Variants in TARBP1 observed in about 807,000 individuals in gnomAD.
TARBP1 encodes the protein tRNA guanosine 2 -O-methyltransferase TARBP1.
TARBP1 carries 144 observed loss-of-function variants against 178.6 expected under a neutral mutation model. The observed-to-expected ratio is 0.81, with a 90% CI of 0.70 to 0.93. The LOEUF is 0.93. TARBP1 is among the 40% of genes least tolerant of loss of function. The pLI is 0.00. For missense variants in TARBP1, 2,067 were observed against 2,011.7 expected (o/e 1.03, Z -0.53); for synonymous variants, 787 against 781.0 (o/e 1.01, Z -0.13).
intron 1 of TARBP1, among the ~76,000 whole-genome samples, chr1:234,477,059 C>T (rs1347960552): frequency 6.6e-6 from 1 of 152,186 alleles, no homozygotes; most frequent in East Asian, 1.9e-4. Context: ...GTGGCGCATG[C>T]CTGTAATCCC....
At chr1:234,434,459 G>C (rs1664802103) in intron 13 of TARBP1, among the ~76,000 whole-genome samples, 3 of 152,208 alleles carry the variant, frequency 2.0e-5, no homozygotes, top group Non-Finnish European at 4.4e-5. Context: ...TTACAAGACT[G>C]AACAAAAGGG....
At chr1:234,402,186 A>G (rs1253038664) in intron 24 of TARBP1, among the ~76,000 whole-genome samples, 3 of 152,270 alleles carry the variant, frequency 2.0e-5, no homozygotes, top group Non-Finnish European at 2.9e-5. Context: ...GGTAGCTGTT[A>G]AAAGAAAAGC....
At chr1:234,408,265 T>C (rs1028585083) in intron 23 of TARBP1, among the ~76,000 whole-genome samples, 3 of 151,964 alleles carry the variant, frequency 2.0e-5, no homozygotes, top group Non-Finnish European at 4.4e-5. Context: ...CTTTGCAAAA[T>C]TGTAACTGAG....
chr1:234,425,523 T>C, intron 20 of TARBP1, 150 bp downstream of exon 20: 1 of 864,504 alleles, frequency 1.2e-6, no homozygotes, highest in Non-Finnish European at 1.8e-6. Context: ...TGACCAGCCC[T>C]AATCAAGACT....
At chr1:234,442,876 G>A (rs989709891) in intron 12 of TARBP1, among the ~76,000 whole-genome samples, 5 of 152,024 alleles carry the variant, frequency 3.3e-5, no homozygotes, top group Admixed American at 1.3e-4. Context: ...CTTAATTACC[G>A]CAATACAGAA....
chr1:234,399,783 G>C (rs1400380310), intron 25 of TARBP1, among the ~76,000 whole-genome samples: 1 of 150,310 alleles, frequency 6.7e-6, no homozygotes, highest in Non-Finnish European at 1.5e-5. Context: ...ACTATCGCAA[G>C]AACGAAAAAC....
chr1:234,395,400 A>G lies in TARBP1; in HGVS notation c.4244-1563T>C, dbSNP rs145611075. On this transcript the variant is annotated intron_variant, in intron 26 of 29. Coordinates refer to ENST00000040877, the MANE Select transcript of TARBP1 (RefSeq NM_005646.4). ...CCAGGTAAAAACAATGCCAGTCTAAATGAAGACAAGGCAAGAGGGGCTAAA... is the reference window on the plus strand; with the variant it reads ...CCAGGTAAAAACAATGCCAGTCTAAGTGAAGACAAGGCAAGAGGGGCTAAA... 4.2e-3 allele frequency among the ~76,000 whole-genome samples: 636 copies of G among 152,336 alleles called. 7 individuals are homozygous for G. The highest frequency in any genetic ancestry group is 0.014 in the African/African-American group (594 of 41,568).
intron 9 of TARBP1, among the ~76,000 whole-genome samples, chr1:234,455,436 T>C (rs552181642): frequency 6.6e-4 from 101 of 152,270 alleles, no homozygotes; most frequent in Middle Eastern, 6.8e-3. Flanking sequence ...GAATAAACAA[T>C]GGTACAACCA....
intron 2 of TARBP1, 75 bp downstream of exon 2, chr1:234,472,639 C>A (rs1040269865): frequency 3.3e-5 from 32 of 967,464 alleles, no homozygotes; most frequent in Non-Finnish European, 4.5e-5. Context: ...CTCTTTGTAT[C>A]GCTTTTAATG....
intron 3 of TARBP1, among the ~76,000 whole-genome samples, chr1:234,469,319 G>T (rs906921770): frequency 2.6e-5 from 4 of 151,894 alleles, no homozygotes; most frequent in Non-Finnish European, 5.9e-5. Context: ...TCCATTATTT[G>T]TAATTTACAC....
intron 17 of TARBP1, among the ~76,000 whole-genome samples, chr1:234,428,355 A>C (rs983554567): frequency 6.6e-6 from 1 of 152,064 alleles, no homozygotes; most frequent in African/African-American, 2.4e-5. Flanking sequence ...ACAAAAAAAA[A>C]CCTCAGCCAA....
rs1430246936 is a variant in TARBP1, at chr1:234,478,354, GCGGGCGCGGTCGCCGC to G, written c.734_749del (p.Gly245AlafsTer30). 3.2e-6 allele frequency: 4 copies of G among 1,269,446 alleles called. No individual in the cohort carries two copies. Among genetic ancestry groups the G allele is most frequent in the Middle Eastern group, 3.0e-4 (1 of 3,334 alleles). The allele number at this position is 1,269,446 out of a possible 1,614,324, so 78.6% of individuals were successfully genotyped here. On this transcript the variant is annotated frameshift_variant, in exon 1 of 30. Transcript: ENST00000040877. LOFTEE classifies it high-confidence loss of function. ...CGTCCGGGCCCGCCTCGCGCGCGCCGCGGGCGCGGTCGCCGCCGGGCTCGGGCAACAGCTTCTCGGC... is the reference window on the plus strand; with the variant it reads ...CGTCCGGGCCCGCCTCGCGCGCGCCGCGGGCTCGGGCAACAGCTTCTCGGC...
intron 13 of TARBP1, among the ~76,000 whole-genome samples, chr1:234,434,543 A>G (rs571862537): frequency 1.8e-4 from 28 of 152,350 alleles, no homozygotes; most frequent in African/African-American, 6.5e-4. Context: ...ATGGTGGGAC[A>G]TTCACTGCGA....
chr1:234,434,064 G>T (rs1329055589), intron 13 of TARBP1, among the ~76,000 whole-genome samples: 1 of 152,130 alleles, frequency 6.6e-6, no homozygotes, highest in Non-Finnish European at 1.5e-5. Context: ...AATGGGTTCA[G>T]CTCTACCATG....
chr1:234,397,923 C>T (rs1414079213), intron 26 of TARBP1, among the ~76,000 whole-genome samples: 1 of 128,696 alleles, frequency 7.8e-6, no homozygotes, highest in Non-Finnish European at 1.7e-5. Context: ...AAGGATGAGA[C>T]AGAGGAGAAG....
intron 1 of TARBP1, among the ~76,000 whole-genome samples, chr1:234,474,104 C>T (rs1669335808): frequency 6.6e-6 from 1 of 151,912 alleles, no homozygotes. Context: ...ATTATCAGGG[C>T]ATGGTGGTGC....
rs569505241 is a variant in TARBP1, at chr1:234,433,709, C to T, written c.2233-138G>A. The T allele has an allele frequency of 1.2e-5, 10 of 818,822 alleles. No homozygotes were observed. The South Asian group carries it at 1.9e-4, about 15-fold the overall frequency. 50.7% of individuals were successfully genotyped at this position (818,822 alleles called of 1,614,324 possible). On this transcript the variant is annotated intron_variant, in intron 13 of 29. Transcript: ENST00000040877. ...GAGAAAATAAGTTCTTTTCTCCAAG[C>T]AGCCTTCCATAACCTCCCACGCAGA...
intron 9 of TARBP1, among the ~76,000 whole-genome samples, chr1:234,453,256 CAG>C (rs1666963077): frequency 6.6e-6 from 1 of 150,964 alleles, no homozygotes; most frequent in South Asian, 2.1e-4. Context: ...ATGTTAACAA[CAG>C]GGGAAACTGT....
intron 12 of TARBP1, among the ~76,000 whole-genome samples, chr1:234,443,128 T>C (rs1285193745): frequency 6.6e-6 from 1 of 151,880 alleles, no homozygotes; most frequent in Non-Finnish European, 1.5e-5. Flanking sequence ...CTGTTTCTAA[T>C]AAAAATACAA....
Sources: allele counts gnomAD v4.1 joint callset (sites outside exome capture counted in the v4.1 genomes callset), GRCh38; gene constraint gnomAD v4.1.1; transcripts MANE v1.5; gene names NCBI Gene and HGNC (gene_info 2026-07-23, HGNC 2026-07-21).